FLG: variants seen among roughly 807,000 people sequenced by gnomAD.
FLG encodes the protein filaggrin, also known as epidermal filaggrin.
FLG carries 6 observed loss-of-function variants against 3.8 expected under a neutral mutation model. The observed-to-expected ratio is 1.60, with a 90% CI of 0.87 to 3.15. The LOEUF is 3.15. Among genes scored for constraint, FLG ranks in the 30% most tolerant of loss-of-function variants. The pLI is 0.00. For synonymous variants in FLG, 2,551 were observed against 1,931.6 expected (o/e 1.32, Z -8.41); for missense variants, 7,595 against 5,050.9 (o/e 1.50, Z -15.27).
chr1:152,310,468 G>T lies in FLG; in HGVS notation c.4418C>A (p.Ala1473Glu). Residue 1473 changes from alanine (A) to glutamate (E), a missense_variant, in exon 3 of 3, where the codon GCA becomes GAA. Physicochemically the swap from Ala to Glu is moderately radical, Grantham distance 107. Transcript: ENST00000368799. The part of the protein sequence containing the change: ...GGRQGSRHEQ[A>E]RNSSRHSASQ... ...TGCTGAGTGCCTAGAGCTGTTTCGT[G>T]CCTGCTCATGGCGGGATCCTTGTCT... 1.2e-6 allele frequency: 2 copies of T among 1,613,704 alleles called. No homozygotes were observed. The highest frequency in any genetic ancestry group is 1.7e-6 in the Non-Finnish European group (2 of 1,179,842).
chr1:152,309,260 C>A lies in FLG; in HGVS notation c.5626G>T (p.Asp1876Tyr). Residue 1876 changes from aspartate (D) to tyrosine (Y), a missense_variant, in exon 3 of 3, where the codon GAC becomes TAC. By Grantham distance (160) the Asp-to-Tyr change is radical. Coordinates refer to ENST00000368799, the MANE Select transcript of FLG (RefSeq NM_002016.2). ...RQTRNEKQSG[D>Y]GSRHSGSRHH... ...CGCGACCCTGAGTGCCTGGAGCCGT[C>A]TCCTGATTGTTTCTCATTACGTGTT... 1 of 1,613,810 alleles carries A rather than the reference C, an allele frequency of 6.2e-7. No homozygotes were observed. The highest frequency in any genetic ancestry group is 1.3e-5 in the African/African-American group (1 of 74,938).
At position 152,309,437 on chromosome 1, in the gene FLG, G is replaced by T; in HGVS notation, c.5449C>A (p.Pro1817Thr). Residue 1817 changes from proline (P) to threonine (T), a missense_variant, in exon 3 of 3, where the codon CCA becomes ACA. Coordinates refer to ENST00000368799, the MANE Select transcript of FLG (RefSeq NM_002016.2). Reference sequence around the variant, plus strand: ...TGCCTTCCTCCTCTGCTTGACCCTGGGTGTCCACGAATGGTGTCCTGACCC... The same window carrying T: ...TGCCTTCCTCCTCTGCTTGACCCTGTGTGTCCACGAATGGTGTCCTGACCC... ...QEGQDTIRGHPGSSRGGRQGS... is the reference protein window; with the variant it reads ...QEGQDTIRGHTGSSRGGRQGS... 1 of 1,612,770 alleles carries T rather than the reference G, an allele frequency of 6.2e-7. No individual in the cohort carries two copies. Among genetic ancestry groups the T allele is most frequent in the Non-Finnish European group, 8.5e-7 (1 of 1,179,800 alleles).
Position 152,312,232 on chromosome 1 carries a change from C to T in FLG, c.2654G>A (p.Gly885Glu), listed in dbSNP as rs1424280903. 1.2e-6 allele frequency: 2 copies of T among 1,613,902 alleles called. No individual in the cohort carries two copies. The highest frequency in any genetic ancestry group is 1.7e-6 in the Non-Finnish European group (2 of 1,179,986). ...TSQGRSDASR[G>E]QSGSRSASRT... is the part of the protein sequence containing the mutation. ...GCTTGCACTTCTGGATCCTGACTGC[C>T]CACGGGAGGCATCAGACCTTCCCTG... Residue 885 changes from glycine (G) to glutamate (E), a missense_variant, in exon 3 of 3, where the codon GGG becomes GAG. Physicochemically the swap from Gly to Glu is moderately conservative, Grantham distance 98. Transcript: ENST00000368799.
At chr1:152,315,255 C>A in intron 2 of FLG, 64 bp downstream of exon 2, 1 of 1,470,440 alleles carries the variant, frequency 6.8e-7, no homozygotes. Context: ...TCAAAATAAC[C>A]CTTGCTTAGA....
intron 1 of FLG, among the ~76,000 whole-genome samples, chr1:152,316,349 A>G (rs1217197417): frequency 3.9e-5 from 6 of 152,142 alleles, no homozygotes; most frequent in Non-Finnish European, 7.4e-5. Flanking sequence ...ATTTACTAAA[A>G]TAATAGAATT....
chr1:152,311,283 C>G lies in FLG; in HGVS notation c.3603G>C (p.Gln1201His). The G allele has an allele frequency of 1.9e-6, 3 of 1,613,868 alleles. No individual in the cohort carries two copies. Among genetic ancestry groups the G allele is most frequent in the Non-Finnish European group, 2.5e-6 (3 of 1,179,966 alleles). ...SGSHHSHTTS[Q>H]GRSDASHGQS... The stretch of plus-strand genomic sequence containing the variant: ...GCCCATGGGAGGCATCAGACCTTCC[C>G]TGGGATGTGGTGTGGCTGTGATGGG... The change falls in exon 3 of 3, where the codon CAG (glutamine) becomes CAC (histidine). Residue 1201 changes from glutamine to histidine, a missense_variant. Physicochemically the swap from Gln to His is conservative, Grantham distance 24 (BLOSUM62 0). Transcript: ENST00000368799.
In FLG at chr1:152,313,974, C is replaced by T. The variant is rs369410547; in HGVS notation, c.912G>A (p.Glu304=). ...GSRVSQDRDS[E]GHSEDSERHS... is the part of the protein sequence containing the mutation. The stretch of plus-strand genomic sequence containing the variant: ...GCCTCTCAGAGTCTTCTGAGTGTCC[C>T]TCACTGTCCCTGTCCTGGCTAACTC... Residue 304 remains glutamate (E), a synonymous_variant, in exon 3 of 3, where the codon GAG becomes GAA. Transcript: ENST00000368799. The T allele has an allele frequency of 6.2e-6, 10 of 1,614,064 alleles. No individual in the cohort carries two copies. The highest frequency in any genetic ancestry group is 1.7e-5 in the Admixed American group (1 of 60,006).
At position 152,313,399 on chromosome 1, in the gene FLG, T is replaced by A. The variant is rs1423838606; in HGVS notation, c.1487A>T (p.His496Leu). Residue 496 changes from histidine to leucine, a missense_variant, in exon 3 of 3, where the codon CAC becomes CTC. Coordinates refer to ENST00000368799, the MANE Select transcript of FLG (RefSeq NM_002016.2). ...GGAGCTGTCTCGTGCCTGCTCGTGG[T>A]GCGATCCTTGTCTTCCTCCAGTGCT... ...GTSTGGRQGS[H>L]HEQARDSSRH... 2 of 1,613,584 alleles carry A rather than the reference T, an allele frequency of 1.2e-6. No homozygotes were observed. The highest frequency in any genetic ancestry group is 8.5e-7 in the Non-Finnish European group (1 of 1,179,856).
At position 152,303,509 on chromosome 1, in the gene FLG, A is replaced by G. The variant is rs1297986420; in HGVS notation, c.11377T>C (p.Ser3793Pro). 4.3e-6 allele frequency: 7 copies of G among 1,613,526 alleles called. No homozygotes were observed. Among genetic ancestry groups the G allele is most frequent in the Non-Finnish European group, 5.9e-6 (7 of 1,179,962 alleles). ...TGGGAGGCATCAGACCTTCCCTGGG[A>G]TGTGGTGTGGCTGTGATGGGACCCT... ...HSGSHHSHTT[S>P]QGRSDASHGQ... Residue 3793 changes from serine (S) to proline (P), a missense_variant, in exon 3 of 3, where the codon TCC becomes CCC. Transcript: ENST00000368799.
rs374063170 is a variant in FLG, at chr1:152,311,508, C to T, written c.3378G>A (p.Gln1126=). The part of the protein sequence containing the change: ...SFIYQVSTHE[Q]SESAHGRTRT... ...TGGTCCGCCCATGGGCAGACTCAGACTGTTCATGAGTGCTCACCTGGTAGA... is the reference window on the plus strand; with the variant it reads ...TGGTCCGCCCATGGGCAGACTCAGATTGTTCATGAGTGCTCACCTGGTAGA... The change falls in exon 3 of 3, where the codon CAG becomes CAA. Residue 1126 remains glutamine, a synonymous_variant. Transcript: ENST00000368799. The T allele has an allele frequency of 1.2e-6, 2 of 1,613,842 alleles. No individual in the cohort carries two copies. The highest frequency in any genetic ancestry group is 1.7e-6 in the Non-Finnish European group (2 of 1,179,994).
intron 1 of FLG, among the ~76,000 whole-genome samples, chr1:152,316,532 A>C (rs1158841897): frequency 6.6e-6 from 1 of 152,158 alleles, no homozygotes; most frequent in Non-Finnish European, 1.5e-5. Flanking sequence ...CAATACATGT[A>C]AAATAGACCA....
chr1:152,307,800 C>T lies in FLG; in HGVS notation c.7086G>A (p.Gly2362=), dbSNP rs766325109. 2.5e-6 allele frequency: 4 copies of T among 1,612,638 alleles called. No individual in the cohort carries two copies. In the South Asian group the frequency reaches 3.3e-5, roughly 13 times the overall value. ...SSAVRDSGHR[G]SSGSQASDSE... ...TGTCACTGGCCTGACTACCACTGGACCCTCGGTGTCCACTGTCTCTGACTG... is the reference window on the plus strand; with the variant it reads ...TGTCACTGGCCTGACTACCACTGGATCCTCGGTGTCCACTGTCTCTGACTG... Residue 2362 remains glycine (G), a synonymous_variant, in exon 3 of 3, where the codon GGG becomes GGA. Coordinates refer to ENST00000368799, the MANE Select transcript of FLG (RefSeq NM_002016.2).
Position 152,308,848 on chromosome 1 carries a change from G to C in FLG, c.6038C>G (p.Ser2013Ter). 3 of 1,614,206 alleles carry C rather than the reference G, an allele frequency of 1.9e-6. No homozygotes were observed. Among genetic ancestry groups the C allele is most frequent in the Non-Finnish European group, 2.5e-6 (3 of 1,180,024 alleles). Residue 2013 changes from serine (S) to a stop codon, truncating the protein, a stop_gained, in exon 3 of 3, where the codon TCA (serine) becomes TGA (stop). Transcript: ENST00000368799. LOFTEE classifies it low-confidence loss of function (END_TRUNC). ...GCCTGAGTGTCTGGAGCTGTCTGCTGACTGGAGCTGGTGGTGGGATCCATG... is the reference window on the plus strand; with the variant it reads ...GCCTGAGTGTCTGGAGCTGTCTGCTCACTGGAGCTGGTGGTGGGATCCATG... ...ERHGSHHQLQ[S>*]ADSSRHSGIG... is the part of the protein sequence containing the mutation.
chr1:152,307,952 C>T lies in FLG; in HGVS notation c.6934G>A (p.Gly2312Ser), dbSNP rs774171374. 7 of 1,614,102 alleles carry T rather than the reference C, an allele frequency of 4.3e-6. No individual in the cohort carries two copies. The highest frequency in any genetic ancestry group is 5.9e-6 in the Non-Finnish European group (7 of 1,180,034). ...SGTHHAENSSGGQAASSHEQA... is the reference protein window; with the variant it reads ...SGTHHAENSSSGQAASSHEQA... ...TCATGGGATGATGCAGCCTGTCCAC[C>T]AGAGGAATTCTCTGCATGATGAGTG... The change falls in exon 3 of 3, where the codon GGT becomes AGT. Residue 2312 changes from glycine to serine, a missense_variant. Transcript: ENST00000368799.
chr1:152,320,446 A>G (rs1405678673), intron 1 of FLG, among the ~76,000 whole-genome samples: 1 of 150,498 alleles, frequency 6.6e-6, no homozygotes, highest in Non-Finnish European at 1.5e-5. Flanking sequence ...TCAAACACTA[A>G]AAGAAAGCTG....
At position 152,307,607 on chromosome 1, in the gene FLG, C is replaced by T. The variant is rs150216268; in HGVS notation, c.7279G>A (p.Ala2427Thr). The change falls in exon 3 of 3, where the codon GCC becomes ACC. Residue 2427 changes from alanine to threonine, a missense_variant. Coordinates refer to ENST00000368799, the MANE Select transcript of FLG (RefSeq NM_002016.2). ...GTGCTGGTCCCGGTCCGTCCATGGG[C>T]GGACTCAGACTGTTCATGAGTGCTC... The part of the protein sequence containing the change: ...QVSTHEQSES[A>T]HGRTGTSTGG... 2.9e-5 allele frequency: 46 copies of T among 1,613,376 alleles called. No individual in the cohort carries two copies. Among genetic ancestry groups the T allele is most frequent in the Middle Eastern group, 1.6e-4 (1 of 6,078 alleles).
Position 152,312,247 on chromosome 1 carries a change from G to A in FLG, c.2639C>T (p.Ser880Phe), listed in dbSNP as rs754201216. 1.9e-6 allele frequency: 3 copies of A among 1,613,912 alleles called. No homozygotes were observed. Among genetic ancestry groups the A allele is most frequent in the East Asian group, 2.2e-5 (1 of 44,826 alleles). ...TCCTGACTGCCCACGGGAGGCATCA[G>A]ACCTTCCCTGGGATGTGGTGTGGCT... ...HHSHTTSQGR[S>F]DASRGQSGSR... Residue 880 changes from serine (S) to phenylalanine (F), a missense_variant, in exon 3 of 3, where the codon TCT (serine) becomes TTT (phenylalanine). Ser to Phe is a radical substitution (Grantham distance 155, BLOSUM62 -2). Transcript: ENST00000368799.
Position 152,315,169 on chromosome 1 carries a change from G to A in FLG, c.138+150C>T, listed in dbSNP as rs991098106. 2.4e-5 allele frequency: 18 copies of A among 753,018 alleles called. No individual in the cohort carries two copies. The African/African-American group carries it at 3.2e-4, about 13-fold the overall frequency. 46.6% of individuals were successfully genotyped at this position (753,018 alleles called of 1,614,324 possible). ...TTATAATATACATCCAGGTATAGGGGAAGAAAATAAAATCTATCTCTTTTG... is the reference window on the plus strand; with the variant it reads ...TTATAATATACATCCAGGTATAGGGAAAGAAAATAAAATCTATCTCTTTTG... On this transcript the variant is annotated intron_variant, in intron 2 of 2. Coordinates refer to ENST00000368799, the MANE Select transcript of FLG (RefSeq NM_002016.2).
chr1:152,308,705 C>G lies in FLG; in HGVS notation c.6181G>C (p.Ala2061Pro), dbSNP rs1245044789. The G allele has an allele frequency of 3.1e-6, 5 of 1,614,042 alleles. No homozygotes were observed. Among genetic ancestry groups the G allele is most frequent in the African/African-American group, 1.3e-5 (1 of 74,926 alleles). Residue 2061 changes from alanine (A) to proline (P), a missense_variant, in exon 3 of 3, where the codon GCA becomes CCA. Coordinates refer to ENST00000368799, the MANE Select transcript of FLG (RefSeq NM_002016.2). The stretch of plus-strand genomic sequence containing the variant: ...TGATGGGGCCCAGCTTTTCCCTGTG[C>G]TGACACTGACTGTGTGTCTGAGTCT... ...SEDSDTQSVS[A>P]QGKAGPHQQS...
Sources: gnomAD v4.1 joint callset for allele counts (sites outside exome capture counted in the v4.1 genomes callset) on GRCh38, gnomAD v4.1.1 for gene constraint, MANE v1.5 for transcripts, NCBI Gene and HGNC (gene_info 2026-07-23, HGNC 2026-07-21) for gene names.